Variants in LYAR observed in about 807,000 individuals in gnomAD.
LYAR encodes the protein Ly1 antibody reactive.
Under a neutral mutation model 45.2 loss-of-function variants are expected in LYAR, and 37 were observed. The observed-to-expected ratio is 0.82, with a 90% CI of 0.63 to 1.08. LYAR has a LOEUF of 1.08. Among genes scored for constraint, LYAR ranks in the 50% least tolerant of loss-of-function variants. LYAR has a pLI of 0.00. For missense variants in LYAR, 493 were observed against 451.0 expected (o/e 1.09, Z -0.84); for synonymous variants, 176 against 155.1 (o/e 1.14, Z -1.00).
chr4:4,287,091 A>C (rs955512332), intron 1 of LYAR, among the ~76,000 whole-genome samples: 3 of 152,324 alleles, frequency 2.0e-5, no homozygotes, highest in South Asian at 4.1e-4. Context: ...TCTAGCCCTA[A>C]GTGTAAAAAG....
intron 4 of LYAR, among the ~76,000 whole-genome samples, chr4:4,280,712 A>G (rs1719361505): frequency 6.6e-6 from 1 of 152,186 alleles, no homozygotes; most frequent in African/African-American, 2.4e-5. Flanking sequence ...TCACCAGTGC[A>G]AACAGGATTT....
Position 4,273,583 on chromosome 4 carries a change from C to G in LYAR, c.919G>C (p.Gly307Arg), listed in dbSNP as rs750289476. 2 of 1,611,152 alleles carry G rather than the reference C, an allele frequency of 1.2e-6. No homozygotes were observed. The highest frequency in any genetic ancestry group is 1.7e-6 in the Non-Finnish European group (2 of 1,177,632). ...TCCTCAAATGACAGCAGTGATATAC[C>G]TTTTGCAGGAGCCTCATCGTCTTCT... ...EPEDDEAPAKGKFNWKGTIKA... is the reference protein window; with the variant it reads ...EPEDDEAPAKRKFNWKGTIKA... The change falls in exon 8 of 10, where the codon GGT becomes CGT. Residue 307 changes from glycine to arginine, a missense_variant and splice_region_variant. By Grantham distance (125) the Gly-to-Arg change is moderately radical. Coordinates refer to ENST00000343470, the MANE Select transcript of LYAR (RefSeq NM_017816.3).
chr4:4,277,111 A>G (rs528891856), intron 6 of LYAR, among the ~76,000 whole-genome samples: 3 of 152,236 alleles, frequency 2.0e-5, no homozygotes, highest in Admixed American at 6.5e-5. Context: ...CAGTGGCACA[A>G]TATCAGCTCA....
chr4:4,283,658 C>G lies in LYAR; in HGVS notation c.85G>C (p.Glu29Gln), dbSNP rs371725683. Residue 29 changes from glutamate to glutamine, a missense_variant, in exon 3 of 10, where the codon GAA (glutamate) becomes CAA (glutamine). By Grantham distance (29) the Glu-to-Gln change is conservative. Transcript: ENST00000343470. ...EKHVSVCRNC[E>Q]CLSCIDCGKD... ...CCGCAGTCAATGCAAGAAAGGCATT[C>G]ACAGTTTCTGCAAACAGACACATGC... The G allele has an allele frequency of 2.9e-5, 47 of 1,612,802 alleles. No individual in the cohort carries two copies. Among genetic ancestry groups the G allele is most frequent in the Non-Finnish European group, 3.8e-5 (45 of 1,179,750 alleles).
chr4:4,285,060 G>T (rs1304994564), intron 2 of LYAR, among the ~76,000 whole-genome samples: 2 of 152,164 alleles, frequency 1.3e-5, no homozygotes, highest in African/African-American at 4.8e-5. Context: ...TGTACATCCT[G>T]GCTGCATCTC....
chr4:4,279,729 CT>C lies in LYAR; in HGVS notation c.257del (p.Lys86ArgfsTer9). Reference protein sequence around the residue: ...AWIQKISELIKRPNVSPKVRE... With the variant: ...AWIQKISELIXRPNVSPKVRE... ...TCACTTTGGGGCTGACATTGGGTCT[CT>C]TTATTAATTCACTAATTTTCTACAA... is the stretch of plus-strand genomic sequence containing the variant. On this transcript the variant is annotated frameshift_variant, in exon 5 of 10. Transcript: ENST00000343470. LOFTEE classifies it high-confidence loss of function. 6.2e-7 allele frequency: 1 copy of C among 1,604,712 alleles called. No individual in the cohort carries two copies. The highest frequency in any genetic ancestry group is 8.5e-7 in the Non-Finnish European group (1 of 1,175,048).
chr4:4,279,600 T>C (rs769169375), intron 5 of LYAR, 42 bp downstream of exon 5: 7 of 1,566,264 alleles, frequency 4.5e-6, no homozygotes, highest in Middle Eastern at 1.7e-4. Context: ...CAGTCACTGA[T>C]GGGCCACACG....
At chr4:4,270,184 C>G (rs761291637) in intron 8 of LYAR, among the ~76,000 whole-genome samples, 1 of 146,666 alleles carries the variant, frequency 6.8e-6, no homozygotes, top group Non-Finnish European at 1.5e-5. Flanking sequence ...CCCTGGGCAA[C>G]AGTGAGACCC....
At chr4:4,282,007 G>T in intron 3 of LYAR, 110 bp from the exon 4 acceptor site, 1 of 679,176 alleles carries the variant, frequency 1.5e-6, no homozygotes, top group Non-Finnish European at 2.6e-6. Context: ...TTTCACATGT[G>T]TCTATCACAC....
rs1719103885 is a variant in LYAR at position 4,274,627 on chromosome 4, C to T, written c.572G>A (p.Arg191Lys). ...CCTTTTCTTCTGCCGTTCTTCCTTT[C>T]TTTCTCTTTTATTCTTCTTCACCTC... is the stretch of plus-strand genomic sequence containing the variant. ...QGEVKKNKRE[R>K]KEERQKKRKR... Residue 191 changes from arginine to lysine, a missense_variant, in exon 7 of 10, where the codon AGA becomes AAA. Arg to Lys is a conservative substitution (Grantham distance 26). Coordinates refer to ENST00000343470, the MANE Select transcript of LYAR (RefSeq NM_017816.3). The T allele has an allele frequency of 6.2e-7, 1 of 1,614,016 alleles. No individual in the cohort carries two copies. Among genetic ancestry groups the T allele is most frequent in the Non-Finnish European group, 8.5e-7 (1 of 1,180,020 alleles).
chr4:4,283,812 A>T lies in LYAR; in HGVS notation c.-53-17T>A. On this transcript the variant is annotated splice_polypyrimidine_tract_variant and intron_variant, in intron 2 of 9. Coordinates refer to ENST00000343470, the MANE Select transcript of LYAR (RefSeq NM_017816.3). ...AGTCTTGTCCTAAGGAAAAAAAGAC[A>T]ATTATAATTATAAACTGAAACTTCT... The T allele has an allele frequency of 1.6e-6, 2 of 1,226,936 alleles. No individual in the cohort carries two copies. The highest frequency in any genetic ancestry group is 2.2e-6 in the Non-Finnish European group (2 of 897,842). The allele number at this position is 1,226,936 out of a possible 1,614,324, so 76.0% of individuals were successfully genotyped here.
intron 1 of LYAR, among the ~76,000 whole-genome samples, chr4:4,287,210 A>G (rs1719652699): frequency 6.6e-6 from 1 of 152,144 alleles, no homozygotes; most frequent in African/African-American, 2.4e-5. Flanking sequence ...GAGAGATTCT[A>G]CATGCTTTCC....
At chr4:4,279,162 T>TA (rs34141345) in intron 6 of LYAR, among the ~76,000 whole-genome samples, 7,419 of 146,402 alleles carry the variant, frequency 0.051, 534 homozygotes, top group East Asian at 0.32. Context: ...CTGTCTCTGC[T>TA]AAAAAAAAAA....
chr4:4,278,322 T>G (rs1719271315), intron 6 of LYAR, among the ~76,000 whole-genome samples: 2 of 152,236 alleles, frequency 1.3e-5, no homozygotes, highest in Non-Finnish European at 2.9e-5. Flanking sequence ...CCAGTGGGGT[T>G]CTGACCCCAC....
chr4:4,270,861 C>T (rs1169674675), intron 8 of LYAR, among the ~76,000 whole-genome samples: 3 of 152,300 alleles, frequency 2.0e-5, no homozygotes, highest in South Asian at 2.1e-4. Context: ...ACTCCTGAAA[C>T]AGCTGACAGT....
chr4:4,279,470 T>A lies in LYAR; in HGVS notation c.406A>T (p.Ile136Phe), dbSNP rs768870285. The change falls in exon 6 of 10, where the codon ATC becomes TTC. Residue 136 changes from isoleucine to phenylalanine, a missense_variant. By Grantham distance (21) the Ile-to-Phe change is conservative. Transcript: ENST00000343470. Reference protein sequence around the residue: ...NESILDQVWNIFSEASNSEPV... With the variant: ...NESILDQVWNFFSEASNSEPV... ...ACGCTGTTGGAAGCTTCAGAAAAGA[T>A]ATTCCACACCTGGTCCAGAATGGAT... is the stretch of plus-strand genomic sequence containing the variant. 1 of 1,612,368 alleles carries A rather than the reference T, an allele frequency of 6.2e-7. No individual in the cohort carries two copies. Among genetic ancestry groups the A allele is most frequent in the South Asian group, 1.1e-5 (1 of 90,982 alleles).
chr4:4,273,523 G>C lies in LYAR; in HGVS notation c.919+60C>G. 4.8e-6 allele frequency: 6 copies of C among 1,251,744 alleles called. No homozygotes were observed. The South Asian group carries it at 7.5e-5, about 16-fold the overall frequency. 77.5% of individuals were successfully genotyped at this position (1,251,744 alleles called of 1,614,324 possible). On this transcript the variant is annotated intron_variant, in intron 8 of 9. Coordinates refer to ENST00000343470, the MANE Select transcript of LYAR (RefSeq NM_017816.3). ...CCTGCCCCTGCCTCTGAAGTAGCTGGGACTATCAGCGAGAGCCGCTGTGCC... is the reference window on the plus strand; with the variant it reads ...CCTGCCCCTGCCTCTGAAGTAGCTGCGACTATCAGCGAGAGCCGCTGTGCC...
intron 1 of LYAR, among the ~76,000 whole-genome samples, chr4:4,288,588 T>A (rs1313811570): frequency 6.6e-6 from 1 of 150,858 alleles, no homozygotes; most frequent in South Asian, 2.1e-4. Context: ...CAGGTTCAAG[T>A]GATTCTCCGG....
intron 6 of LYAR, among the ~76,000 whole-genome samples, chr4:4,279,074 C>T (rs960813424): frequency 1.1e-4 from 16 of 152,228 alleles, no homozygotes; most frequent in African/African-American, 3.4e-4. Flanking sequence ...CCTGTAATTC[C>T]AGCACTTTGG....
Sources: allele counts gnomAD v4.1 joint callset (sites outside exome capture counted in the v4.1 genomes callset), GRCh38; gene constraint gnomAD v4.1.1; transcripts MANE v1.5; gene names NCBI Gene and HGNC (gene_info 2026-07-23, HGNC 2026-07-21).